Variants in SCN8A observed in about 807,000 individuals in gnomAD.
SCN8A encodes sodium channel protein type 8 subunit alpha.
In SCN8A, 30 loss-of-function variants were observed where a neutral mutation model predicts 184.1. That is an observed-to-expected ratio of 0.16 (90% CI 0.12 to 0.22). The LOEUF (loss-of-function observed/expected upper bound fraction) is 0.22, where lower values mean the gene tolerates loss of function less well. SCN8A is among the 10% of genes least tolerant of loss of function. SCN8A has a pLI of 1.00. For synonymous variants in SCN8A, 852 were observed against 907.0 expected, an observed-to-expected ratio of 0.94 and a Z score of 1.09; for missense variants, 1,057 against 2,498.9, an observed-to-expected ratio of 0.42 and a Z score of 12.30.
At chr12:51,789,240 C>T (rs764284140) in intron 23 of SCN8A, 41 bp from the exon 24 acceptor site, 2 of 1,610,560 alleles carry the variant, frequency 1.2e-6, no homozygotes, top group Non-Finnish European at 8.5e-7. Context: ...AAACTCCAAA[C>T]TAGGAGCTGA....
intron 1 of SCN8A, among the ~76,000 whole-genome samples, chr12:51,660,890 A>T (rs1940912206): frequency 6.6e-6 from 1 of 152,122 alleles, no homozygotes; most frequent in African/African-American, 2.4e-5. Flanking sequence ...AGGAGTAGGG[A>T]TTTATTGGGG....
Position 51,706,701 on chromosome 12 carries a change from T to G in SCN8A, c.1621T>G (p.Ser541Ala), listed in dbSNP as rs753587420. 20 of 1,544,566 alleles carry G rather than the reference T, an allele frequency of 1.3e-5. No individual in the cohort carries two copies. The highest frequency in any genetic ancestry group is 1.7e-5 in the Non-Finnish European group (20 of 1,151,482). ...LPDNRIGRKF[S>A]IMNQSLLSIP... ...AGACAACAGAATAGGGAGGAAATTT[T>G]CCATCATGAATCAGGTAAACTCTTC... Residue 541 changes from serine to alanine, a missense_variant, in exon 11 of 27, where the codon TCC becomes GCC. Coordinates refer to ENST00000627620, the MANE Select transcript of SCN8A (RefSeq NM_001330260.2).
intron 1 of SCN8A, among the ~76,000 whole-genome samples, chr12:51,612,051 T>C (rs1032032919): frequency 1.3e-5 from 2 of 152,180 alleles, no homozygotes; most frequent in Non-Finnish European, 2.9e-5. Context: ...AGACTTCCAG[T>C]AAGATATCAA....
chr12:51,743,943 T>C (rs772546422), intron 12 of SCN8A, among the ~76,000 whole-genome samples: 1 of 151,892 alleles, frequency 6.6e-6, no homozygotes, highest in Non-Finnish European at 1.5e-5. Flanking sequence ...ACAGGGACCA[T>C]GTTGTATGTG....
intron 1 of SCN8A, among the ~76,000 whole-genome samples, chr12:51,645,983 TAAATAA>T (rs1940580463): frequency 8.9e-6 from 1 of 112,640 alleles, no homozygotes; most frequent in African/African-American, 3.5e-5. Flanking sequence ...AAAATAAAAT[TAAATAA>T]AAATAAAATA....
At chr12:51,749,914 A>G (rs1036913033) in intron 13 of SCN8A, among the ~76,000 whole-genome samples, 59 of 152,148 alleles carry the variant, frequency 3.9e-4, no homozygotes, top group African/African-American at 1.3e-3. Context: ...AATACCTCAC[A>G]TTCTGACAGG....
At chr12:51,759,077 G>A (rs1380476250) in intron 14 of SCN8A, among the ~76,000 whole-genome samples, 5 of 151,916 alleles carry the variant, frequency 3.3e-5, no homozygotes, top group Admixed American at 2.0e-4. Flanking sequence ...CAGACTGCAT[G>A]TCTGACAGTG....
intron 25 of SCN8A, among the ~76,000 whole-genome samples, chr12:51,793,815 TC>T (rs1269206852): frequency 3.9e-5 from 6 of 151,928 alleles, no homozygotes; most frequent in Non-Finnish European, 7.4e-5. Context: ...GCCACTGCAC[TC>T]CAGCCTGGGC....
At chr12:51,637,996 A>G (rs1940356450) in intron 1 of SCN8A, among the ~76,000 whole-genome samples, 1 of 152,150 alleles carries the variant, frequency 6.6e-6, no homozygotes, top group Non-Finnish European at 1.5e-5. Flanking sequence ...CTTATTTACC[A>G]TTCTGAAAAT....
chr12:51,636,173 T>G (rs1195249956), intron 1 of SCN8A, among the ~76,000 whole-genome samples: 1 of 152,194 alleles, frequency 6.6e-6, no homozygotes, highest in East Asian at 1.9e-4. Flanking sequence ...TTTTTTTCTA[T>G]TTTTAGTAGA....
chr12:51,774,126 A>G, intron 19 of SCN8A, 63 bp from the exon 20 acceptor site: 1 of 1,519,478 alleles, frequency 6.6e-7, no homozygotes. Context: ...TGAGGATAGC[A>G]GTGCTCCCTG....
chr12:51,592,659 A>G (rs1939254065), intron 1 of SCN8A, among the ~76,000 whole-genome samples: 1 of 151,794 alleles, frequency 6.6e-6, no homozygotes, highest in African/African-American at 2.4e-5. Flanking sequence ...ACACAAGGAA[A>G]ACTGCTTTTT....
At chr12:51,654,018 C>G (rs1346327974) in intron 1 of SCN8A, among the ~76,000 whole-genome samples, 1 of 152,020 alleles carries the variant, frequency 6.6e-6, no homozygotes, top group East Asian at 1.9e-4. Context: ...AAAGTCTATT[C>G]AAGTCTTTTG....
chr12:51,603,443 A>C (rs926249147), intron 1 of SCN8A, among the ~76,000 whole-genome samples: 5 of 152,212 alleles, frequency 3.3e-5, no homozygotes, highest in African/African-American at 1.2e-4. Context: ...TCTGTTGAAG[A>C]ACATTTGGAA....
At position 51,706,388 on chromosome 12, in the gene SCN8A, T is replaced by C. The variant is rs759205163; in HGVS notation, c.1342-34T>C. ...TTTGGGTGGCTCCAGTTAATTGCCC[T>C]GGTCTGGCTTCCCTGCTGTGGCTTC... On this transcript the variant is annotated intron_variant, in intron 10 of 26. Transcript: ENST00000627620. The C allele has an allele frequency of 2.0e-6, 3 of 1,502,004 alleles. No individual in the cohort carries two copies. The South Asian group carries it at 4.3e-5, about 21-fold the overall frequency. 93.0% of individuals were successfully genotyped at this position (1,502,004 alleles called of 1,614,324 possible).
intron 12 of SCN8A, among the ~76,000 whole-genome samples, chr12:51,735,611 G>A (rs887062000): frequency 2.6e-5 from 4 of 152,138 alleles, no homozygotes; most frequent in African/African-American, 9.7e-5. Flanking sequence ...TGGTTGTCCC[G>A]CTTTCCTCAG....
intron 12 of SCN8A, 83 bp from the exon 13 acceptor site, chr12:51,745,820 C>T (rs1855729187): frequency 8.8e-7 from 1 of 1,141,792 alleles, no homozygotes; most frequent in Non-Finnish European, 1.2e-6. Flanking sequence ...AGATCACACA[C>T]TGGACTGTGT....
chr12:51,719,809 G>A (rs1227644111), intron 11 of SCN8A, among the ~76,000 whole-genome samples: 2 of 152,064 alleles, frequency 1.3e-5, no homozygotes, highest in Non-Finnish European at 2.9e-5. Context: ...GGGCGCGGTG[G>A]CTCACGCCTG....
At chr12:51,732,197 T>C (rs1942254564) in intron 12 of SCN8A, among the ~76,000 whole-genome samples, 1 of 152,226 alleles carries the variant, frequency 6.6e-6, no homozygotes, top group South Asian at 2.1e-4. Flanking sequence ...AGTTTCATGG[T>C]TTGAGGTCTT....
Sources: gnomAD v4.1 joint callset for allele counts (sites outside exome capture counted in the v4.1 genomes callset) on GRCh38, gnomAD v4.1.1 for gene constraint, MANE v1.5 for transcripts, NCBI Gene and HGNC (gene_info 2026-07-23, HGNC 2026-07-21) for gene names.